Variants in UBE2D1 observed in about 807,000 individuals in gnomAD.
The protein encoded by UBE2D1 is ubiquitin conjugating enzyme E2 D1.
A neutral mutation model predicts 24.6 loss-of-function variants in UBE2D1; 9 were observed. The ratio of observed to expected loss-of-function variants is 0.37; its 90% CI spans 0.22 to 0.64. UBE2D1 has a LOEUF of 0.64. Among genes scored for constraint, UBE2D1 ranks in the 30% least tolerant of loss-of-function variants. UBE2D1 has a pLI of 0.64. For missense variants in UBE2D1, 87 were observed against 177.1 expected, an observed-to-expected ratio of 0.49 and a Z score of 2.89; for synonymous variants, 57 against 57.6, an observed-to-expected ratio of 0.99 and a Z score of 0.04.
At chr10:58,358,812 G>A (rs1840161190) in intron 1 of UBE2D1, among the ~76,000 whole-genome samples, 1 of 150,056 alleles carries the variant, frequency 6.7e-6, no homozygotes, top group Admixed American at 6.6e-5. Context: ...CCAGGCTGGA[G>A]TGCAGAGGCC....
At chr10:58,353,975 C>T (rs571739211) in intron 1 of UBE2D1, among the ~76,000 whole-genome samples, 17 of 152,168 alleles carry the variant, frequency 1.1e-4, no homozygotes, top group South Asian at 4.2e-4. Context: ...AGTATTATGG[C>T]GGGATCCATA....
In UBE2D1 at chr10:58,354,634, C is replaced by T. The variant is rs1388936406; in HGVS notation, c.25-6704C>T. ...GGGAAGCTGAGGCAGGAGTTCAAGA[C>T]CAGCCTGGCCAATATATAGTGAAAC... On this transcript the variant is annotated intron_variant, in intron 1 of 6. Coordinates refer to ENST00000373910, the MANE Select transcript of UBE2D1 (RefSeq NM_003338.5). Among the ~76,000 whole-genome samples the T allele has an allele frequency of 2.0e-5, 3 of 151,970 alleles. No homozygotes were observed. The East Asian group carries it at 5.8e-4, about 29-fold the overall frequency.
At chr10:58,344,412 C>T (rs944325434) in intron 1 of UBE2D1, among the ~76,000 whole-genome samples, 1 of 152,192 alleles carries the variant, frequency 6.6e-6, no homozygotes, top group Non-Finnish European at 1.5e-5. Flanking sequence ...AGTCTTTATA[C>T]TCCTCACTTG....
intron 1 of UBE2D1, among the ~76,000 whole-genome samples, chr10:58,343,498 T>C (rs940860906): frequency 6.6e-6 from 1 of 152,100 alleles, no homozygotes; most frequent in Non-Finnish European, 1.5e-5. Context: ...TTAGGTAAAA[T>C]TAATGTTAAA....
chr10:58,357,884 T>C (rs952862125), intron 1 of UBE2D1, among the ~76,000 whole-genome samples: 1 of 152,274 alleles, frequency 6.6e-6, no homozygotes, highest in South Asian at 2.1e-4. Context: ...GCCTCTTTCC[T>C]ATGTGGATGA....
At chr10:58,363,442 G>C (rs1381816065) in intron 3 of UBE2D1, among the ~76,000 whole-genome samples, 167 bp from the exon 4 acceptor site, 1 of 151,952 alleles carries the variant, frequency 6.6e-6, no homozygotes, top group Admixed American at 6.6e-5. Flanking sequence ...TAAATGATTT[G>C]AACTTATGAC....
chr10:58,368,605 A>ATG, intron 6 of UBE2D1, 115 bp from the exon 7 acceptor site: 2 of 542,938 alleles, frequency 3.7e-6, no homozygotes, highest in South Asian at 4.9e-5. Flanking sequence ...TAATTGATAT[A>ATG]TGTGTGATTA....
intron 1 of UBE2D1, among the ~76,000 whole-genome samples, chr10:58,342,596 C>T (rs1944524994): frequency 6.6e-6 from 1 of 152,030 alleles, no homozygotes; most frequent in Non-Finnish European, 1.5e-5. Context: ...TTGCTTCTCC[C>T]AAATTTTGCT....
At chr10:58,357,056 G>A (rs1439809597) in intron 1 of UBE2D1, among the ~76,000 whole-genome samples, 1 of 152,094 alleles carries the variant, frequency 6.6e-6, no homozygotes, top group Admixed American at 6.6e-5. Flanking sequence ...TATTCAAGAA[G>A]TGGGAATCTG....
intron 1 of UBE2D1, among the ~76,000 whole-genome samples, chr10:58,354,835 T>G (rs1238152590): frequency 6.6e-6 from 1 of 152,032 alleles, no homozygotes; most frequent in Non-Finnish European, 1.5e-5. Flanking sequence ...ACTCCATCTC[T>G]CAAATAAATA....
At chr10:58,363,750 C>G in intron 4 of UBE2D1, 64 bp downstream of exon 4, 1 of 1,227,744 alleles carries the variant, frequency 8.1e-7, no homozygotes, top group East Asian at 2.4e-5. Flanking sequence ...ATCTAGAGCT[C>G]ATTTGATTAT....
At chr10:58,350,493 C>T (rs1216126843) in intron 1 of UBE2D1, among the ~76,000 whole-genome samples, 1 of 152,136 alleles carries the variant, frequency 6.6e-6, no homozygotes, top group Non-Finnish European at 1.5e-5. Context: ...TTTACATATT[C>T]TGAATGAGCC....
chr10:58,357,910 C>T (rs1840150295), intron 1 of UBE2D1, among the ~76,000 whole-genome samples: 1 of 152,158 alleles, frequency 6.6e-6, no homozygotes, highest in Admixed American at 6.5e-5. Context: ...AATAAAGTGA[C>T]AGCTTAAGAA....
At position 58,335,054 on chromosome 10, in the gene UBE2D1, C is replaced by T. The variant is rs1253242388; in HGVS notation, c.-148C>T. ...CGGGCGCACACGGAGCAGGGACCGG[C>T]GCCCGGAGCGAGCCAGGGAGCGGCT... On this transcript the variant is annotated 5_prime_UTR_variant, in exon 1 of 7. Coordinates refer to ENST00000373910, the MANE Select transcript of UBE2D1 (RefSeq NM_003338.5). 5.0e-6 allele frequency: 4 copies of T among 804,386 alleles called. No individual in the cohort carries two copies. The highest frequency in any genetic ancestry group is 3.0e-5 in the East Asian group (1 of 33,128). 49.8% of individuals were successfully genotyped at this position (804,386 alleles called of 1,614,324 possible). A position where few individuals can be genotyped will look rare whatever the true frequency, so the allele number is the denominator to read the frequency against.
At chr10:58,346,705 A>T (rs1294228723) in intron 1 of UBE2D1, among the ~76,000 whole-genome samples, 10 of 152,160 alleles carry the variant, frequency 6.6e-5, no homozygotes, top group Admixed American at 6.5e-4. Context: ...CTGGCAAGTC[A>T]TTTTAAGGAC....
intron 1 of UBE2D1, among the ~76,000 whole-genome samples, chr10:58,352,711 A>C (rs1840090915): frequency 6.6e-6 from 1 of 152,168 alleles, no homozygotes; most frequent in African/African-American, 2.4e-5. Context: ...AATCCTTGTG[A>C]CTTTTCAGAA....
chr10:58,355,225 C>T (rs917408452), intron 1 of UBE2D1, among the ~76,000 whole-genome samples: 13 of 152,190 alleles, frequency 8.5e-5, no homozygotes, highest in Non-Finnish European at 5.9e-5. Flanking sequence ...TTTGGAGAAT[C>T]ACTGGGCAAG....
intron 1 of UBE2D1, among the ~76,000 whole-genome samples, chr10:58,359,871 C>T (rs1242844987): frequency 1.3e-5 from 2 of 152,186 alleles, no homozygotes; most frequent in Non-Finnish European, 2.9e-5. Flanking sequence ...TTCATCAACT[C>T]CTGTGATAGA....
intron 1 of UBE2D1, among the ~76,000 whole-genome samples, chr10:58,360,141 G>A (rs187382092): frequency 1.3e-5 from 2 of 152,166 alleles, no homozygotes; most frequent in East Asian, 3.9e-4. Flanking sequence ...CCTGGCTTCT[G>A]CCCACATTTC....
Sources: gnomAD v4.1 joint callset for allele counts (sites outside exome capture counted in the v4.1 genomes callset) on GRCh38, gnomAD v4.1.1 for gene constraint, MANE v1.5 for transcripts, NCBI Gene and HGNC (gene_info 2026-07-23, HGNC 2026-07-21) for gene names.